HMGCLL1: variants seen among roughly 807,000 people sequenced by gnomAD.
The protein encoded by HMGCLL1 is 3-hydroxymethyl-3-methylglutaryl-CoA lyase, cytoplasmic.
HMGCLL1 carries 36 observed loss-of-function variants against 39.1 expected under a neutral mutation model. The observed-to-expected ratio is 0.92, with a 90% CI of 0.71 to 1.22. The LOEUF (loss-of-function observed/expected upper bound fraction) is 1.22. Among genes scored for constraint, HMGCLL1 ranks in the 50% most tolerant of loss-of-function variants. The pLI is 0.00. For missense variants in HMGCLL1, 451 were observed against 416.5 expected, an observed-to-expected ratio of 1.08 and a Z score of -0.72; for synonymous variants, 149 against 144.0, an observed-to-expected ratio of 1.03 and a Z score of -0.25.
At chr6:55,446,029 C>A (rs912701033) in intron 7 of HMGCLL1, among the ~76,000 whole-genome samples, 1 of 151,720 alleles carries the variant, frequency 6.6e-6, no homozygotes, top group Non-Finnish European at 1.5e-5. Flanking sequence ...TGTATTTTTC[C>A]TTTGACTTAA....
the HMGCLL1 span, among the ~76,000 whole-genome samples, chr6:55,675,896 T>C: frequency 6.6e-6 from 1 of 152,264 alleles, no homozygotes; most frequent in Admixed American, 6.5e-5. Flanking sequence ...CAAAATAAAA[T>C]AGGAATGTTT....
At chr6:55,461,017 C>G (rs1361203776) in intron 7 of HMGCLL1, among the ~76,000 whole-genome samples, 6 of 151,882 alleles carry the variant, frequency 4.0e-5, no homozygotes, top group African/African-American at 1.4e-4. Flanking sequence ...TATTAAGACT[C>G]TTTGCCCTTA....
At chr6:55,617,647 T>C in the HMGCLL1 span, among the ~76,000 whole-genome samples, 1 of 152,146 alleles carries the variant, frequency 6.6e-6, no homozygotes, top group Admixed American at 6.6e-5. Flanking sequence ...GGCGAGAATG[T>C]AGAGCAACGA....
the HMGCLL1 span, among the ~76,000 whole-genome samples, chr6:55,604,596 G>A: frequency 7.2e-4 from 109 of 152,118 alleles, no homozygotes; most frequent in African/African-American, 2.5e-3. Flanking sequence ...AAAAACAATG[G>A]AATTTTCAAG....
chr6:55,503,289 C>G (rs1232612676), intron 5 of HMGCLL1, among the ~76,000 whole-genome samples: 1 of 151,788 alleles, frequency 6.6e-6, no homozygotes, highest in African/African-American at 2.4e-5. Flanking sequence ...TTTGCATTGG[C>G]AAAGAGGTGA....
the HMGCLL1 span, among the ~76,000 whole-genome samples, chr6:55,602,394 C>A: frequency 6.6e-6 from 1 of 151,966 alleles, no homozygotes. Context: ...AAATCATGAT[C>A]TTAAATGATG....
At chr6:55,506,800 G>T (rs1382724036) in intron 5 of HMGCLL1, among the ~76,000 whole-genome samples, 1 of 151,130 alleles carries the variant, frequency 6.6e-6, no homozygotes, top group Non-Finnish European at 1.5e-5. Context: ...TCTGCAAAGT[G>T]CTTCCTTTAA....
the HMGCLL1 span, among the ~76,000 whole-genome samples, chr6:55,646,517 T>C: frequency 1.3e-5 from 2 of 152,022 alleles, no homozygotes; most frequent in East Asian, 3.9e-4. Context: ...TCTTTTTTGA[T>C]GCAAGTGCTT....
chr6:55,666,074 C>T, the HMGCLL1 span, among the ~76,000 whole-genome samples: 29 of 151,760 alleles, frequency 1.9e-4, no homozygotes, highest in Admixed American at 7.9e-4. Flanking sequence ...GGAATCCCTA[C>T]GCTCATAACT....
chr6:55,643,845 G>A, the HMGCLL1 span, among the ~76,000 whole-genome samples: 1 of 151,980 alleles, frequency 6.6e-6, no homozygotes, highest in Non-Finnish European at 1.5e-5. Context: ...TGGTTACTGT[G>A]AACAGTGCTA....
intron 7 of HMGCLL1, among the ~76,000 whole-genome samples, chr6:55,446,809 A>T (rs981022208): frequency 2.0e-5 from 3 of 152,010 alleles, no homozygotes; most frequent in Non-Finnish European, 4.4e-5. Context: ...ATGTTTTCAA[A>T]ATATTTTATG....
At chr6:55,463,751 T>G (rs921071629) in intron 7 of HMGCLL1, among the ~76,000 whole-genome samples, 4 of 152,216 alleles carry the variant, frequency 2.6e-5, no homozygotes, top group Non-Finnish European at 4.4e-5. Context: ...TTTGTTGTTC[T>G]GTTTTTGATT....
intron 7 of HMGCLL1, among the ~76,000 whole-genome samples, chr6:55,445,540 C>A (rs1049317861): frequency 3.9e-5 from 6 of 151,928 alleles, no homozygotes; most frequent in African/African-American, 1.4e-4. Context: ...GGCCACTTAG[C>A]TAATTTTCCT....
chr6:55,647,175 G>A, the HMGCLL1 span, among the ~76,000 whole-genome samples: 1 of 151,706 alleles, frequency 6.6e-6, no homozygotes, highest in Admixed American at 6.6e-5. Context: ...TTTTTTTAAA[G>A]TTTTTTTCTT....
intron 7 of HMGCLL1, among the ~76,000 whole-genome samples, chr6:55,450,888 A>C (rs1192423503): frequency 2.6e-5 from 4 of 152,240 alleles, no homozygotes; most frequent in Non-Finnish European, 5.9e-5. Context: ...ATATCCCTTA[A>C]CAGAGATATG....
chr6:55,439,411 T>A, intron 8 of HMGCLL1, 23 bp downstream of exon 8: 1 of 1,593,864 alleles, frequency 6.3e-7, no homozygotes, highest in South Asian at 1.1e-5. Context: ...GCATGAATAT[T>A]AAAATACGTT....
the HMGCLL1 span, among the ~76,000 whole-genome samples, chr6:55,637,303 C>G: frequency 1.6e-4 from 25 of 152,172 alleles, no homozygotes; most frequent in Non-Finnish European, 4.4e-5. Context: ...GATAAGGAAG[C>G]AGAATATAGA....
At chr6:55,650,127 A>ATT in the HMGCLL1 span, among the ~76,000 whole-genome samples, 22 of 76,770 alleles carry the variant, frequency 2.9e-4, no homozygotes, top group African/African-American at 1.2e-3. Context: ...ATATATATAT[A>ATT]TATATATACA....
chr6:55,619,750 A>G, the HMGCLL1 span, among the ~76,000 whole-genome samples: 1 of 152,080 alleles, frequency 6.6e-6, no homozygotes, highest in Non-Finnish European at 1.5e-5. Flanking sequence ...AATTATTGTT[A>G]TCTCCAGTCA....
Sources: allele counts gnomAD v4.1 joint callset (sites outside exome capture counted in the v4.1 genomes callset), GRCh38; gene constraint gnomAD v4.1.1; transcripts MANE v1.5; gene names NCBI Gene and HGNC (gene_info 2026-07-23, HGNC 2026-07-21).